Variants in SNX29 observed in about 807,000 individuals in gnomAD.
The protein encoded by SNX29 is sorting nexin-29.
In SNX29, 78 loss-of-function variants were observed where a neutral mutation model predicts 102.1. That is an observed-to-expected ratio of 0.76 (90% CI 0.64 to 0.92). The LOEUF (loss-of-function observed/expected upper bound fraction) is 0.92, where lower values mean the gene tolerates loss of function less well. Ranked by LOEUF, SNX29 falls within the 40% of genes least tolerant of loss-of-function variation. The pLI is 0.00. For missense variants in SNX29, 1,280 were observed against 1,061.7 expected (o/e 1.21, Z -2.86); for synonymous variants, 580 against 414.5 (o/e 1.40, Z -4.85).
chr16:12,538,655 A>G (rs1022527826), intron 20 of SNX29, among the ~76,000 whole-genome samples: 37 of 150,700 alleles, frequency 2.5e-4, no homozygotes, highest in Non-Finnish European at 5.2e-4. Context: ...TGTGAAACAG[A>G]AAGATCCACA....
intron 18 of SNX29, among the ~76,000 whole-genome samples, chr16:12,440,790 A>C (rs1398298679): frequency 6.6e-6 from 1 of 152,216 alleles, no homozygotes; most frequent in Non-Finnish European, 1.5e-5. Context: ...TTTTGGCTGC[A>C]TAGTATTCCA....
chr16:12,519,529 G>A (rs143329920), intron 19 of SNX29, among the ~76,000 whole-genome samples: 1 of 152,144 alleles, frequency 6.6e-6, no homozygotes, highest in East Asian at 1.9e-4. Context: ...TAATTTTTCA[G>A]AAATACACAC....
intron 3 of SNX29, among the ~76,000 whole-genome samples, chr16:12,018,603 ATATAT>A (rs1029387695): frequency 2.0e-5 from 3 of 151,118 alleles, no homozygotes; most frequent in African/African-American, 7.3e-5. Flanking sequence ...AAAAAGAAAG[ATATAT>A]TTTATTTTTG....
At chr16:12,359,892 C>T (rs544652376) in intron 16 of SNX29, among the ~76,000 whole-genome samples, 1 of 152,184 alleles carries the variant, frequency 6.6e-6, no homozygotes, top group Non-Finnish European at 1.5e-5. Flanking sequence ...GGTGCGATCT[C>T]AGCTCAATGC....
intron 20 of SNX29, among the ~76,000 whole-genome samples, chr16:12,547,622 G>C (rs191441366): frequency 2.1e-3 from 327 of 152,126 alleles, no homozygotes; most frequent in African/African-American, 7.5e-3. Flanking sequence ...GCACCACTAA[G>C]CTGTCCCATG....
chr16:12,404,999 C>G (rs771965214), intron 18 of SNX29, among the ~76,000 whole-genome samples: 1 of 152,270 alleles, frequency 6.6e-6, no homozygotes, highest in East Asian at 1.9e-4. Flanking sequence ...CTTGAGTGTT[C>G]ATGTTGTTCC....
chr16:12,368,963 A>T (rs1597105332), intron 16 of SNX29, among the ~76,000 whole-genome samples: 2 of 152,258 alleles, frequency 1.3e-5, no homozygotes, highest in South Asian at 4.1e-4. Flanking sequence ...CATGACCCAC[A>T]TTCATTATTG....
At chr16:12,316,578 T>G (rs925688612) in intron 15 of SNX29, among the ~76,000 whole-genome samples, 2 of 152,074 alleles carry the variant, frequency 1.3e-5, no homozygotes, top group African/African-American at 4.8e-5. Flanking sequence ...CTTACCCAAA[T>G]CGGGATCTTG....
chr16:12,554,767 C>T (rs934339282), intron 20 of SNX29, among the ~76,000 whole-genome samples: 3 of 152,192 alleles, frequency 2.0e-5, no homozygotes, highest in East Asian at 3.9e-4. Flanking sequence ...AACGTGCTCT[C>T]TCCCCCGCCA....
chr16:12,500,620 A>G (rs918836142), intron 19 of SNX29, among the ~76,000 whole-genome samples: 5 of 152,214 alleles, frequency 3.3e-5, no homozygotes, highest in Admixed American at 6.5e-5. Context: ...ATGATTCTAC[A>G]ATTTTATCAT....
intron 19 of SNX29, among the ~76,000 whole-genome samples, chr16:12,516,333 A>G (rs2089862654): frequency 6.6e-6 from 1 of 152,122 alleles, no homozygotes; most frequent in East Asian, 1.9e-4. Context: ...TTTAAAAATT[A>G]GCCAGACGTG....
At chr16:12,566,066 T>G (rs972089771) in intron 20 of SNX29, among the ~76,000 whole-genome samples, 1 of 152,204 alleles carries the variant, frequency 6.6e-6, no homozygotes, top group Admixed American at 6.5e-5. Flanking sequence ...GCCCATTGTC[T>G]CTCTAGGCAC....
At chr16:12,543,936 G>A (rs1354209272) in intron 20 of SNX29, among the ~76,000 whole-genome samples, 2 of 152,128 alleles carry the variant, frequency 1.3e-5, no homozygotes, top group African/African-American at 2.4e-5. Flanking sequence ...GCACCCTCTC[G>A]TTCTAAGCGA....
rs1043379722 is a variant in SNX29 at position 12,570,661 on chromosome 16, C to G, written c.*2032C>G. ...CCCCCATCTGTGACATTCCCTTGGGCCCAGGCTTATGACCTGCACCTTTTC... is the reference window on the plus strand; with the variant it reads ...CCCCCATCTGTGACATTCCCTTGGGGCCAGGCTTATGACCTGCACCTTTTC... On this transcript the variant is annotated 3_prime_UTR_variant, in exon 21 of 21. Coordinates refer to ENST00000566228, the MANE Select transcript of SNX29 (RefSeq NM_032167.5). 2 of 231,958 alleles carry G rather than the reference C, an allele frequency of 8.6e-6. No individual in the cohort carries two copies. The highest frequency in any genetic ancestry group is 2.2e-5 in the African/African-American group (1 of 45,252). The allele number at this position is 231,958 out of a possible 1,614,324, so 14.4% of individuals were successfully genotyped here. A position where few individuals can be genotyped will look rare whatever the true frequency, so the allele number is the denominator to read the frequency against.
At chr16:12,303,124 T>G (rs1596824494) in intron 15 of SNX29, among the ~76,000 whole-genome samples, 1 of 152,224 alleles carries the variant, frequency 6.6e-6, no homozygotes, top group Non-Finnish European at 1.5e-5. Flanking sequence ...CGTGAAGCTG[T>G]CTGTCTGTTG....
chr16:12,438,543 C>T (rs549379705), intron 18 of SNX29, among the ~76,000 whole-genome samples: 79 of 152,332 alleles, frequency 5.2e-4, no homozygotes, highest in African/African-American at 1.8e-3. Flanking sequence ...TTTGGACATT[C>T]TTTTAACACA....
chr16:12,295,767 G>A (rs370505122), intron 15 of SNX29, among the ~76,000 whole-genome samples: 1 of 151,356 alleles, frequency 6.6e-6, no homozygotes, highest in Admixed American at 6.6e-5. Flanking sequence ...TTGAAATTGG[G>A]TTCTTTTTTT....
At chr16:12,244,980 C>T (rs1345230266) in intron 14 of SNX29, among the ~76,000 whole-genome samples, 4 of 152,114 alleles carry the variant, frequency 2.6e-5, no homozygotes, top group Admixed American at 2.0e-4. Context: ...TTTGATGAAG[C>T]GTCAGGTAGG....
intron 3 of SNX29, among the ~76,000 whole-genome samples, chr16:12,012,648 C>A (rs1355114032): frequency 6.6e-6 from 1 of 152,098 alleles, no homozygotes; most frequent in Non-Finnish European, 1.5e-5. Flanking sequence ...ACCTCGTGAT[C>A]TGCCCGCCTC....
Sources: allele counts gnomAD v4.1 joint callset (sites outside exome capture counted in the v4.1 genomes callset), GRCh38; gene constraint gnomAD v4.1.1; transcripts MANE v1.5; gene names NCBI Gene and HGNC (gene_info 2026-07-23, HGNC 2026-07-21).